The following DOCK1 variants were observed in gnomAD, a reference collection of about 807,000 sequenced individuals.
The protein encoded by DOCK1 is dedicator of cytokinesis 1.
In DOCK1, 138 loss-of-function variants were observed where a neutral mutation model predicts 262.7. That is an observed-to-expected ratio of 0.53 (90% CI 0.46 to 0.61). The LOEUF (loss-of-function observed/expected upper bound fraction) is 0.61, where lower values mean the gene tolerates loss of function less well. Ranked by LOEUF, DOCK1 falls within the 20% of genes least tolerant of loss-of-function variation. DOCK1 has a pLI of 0.00. For missense variants in DOCK1, 1,908 were observed against 2,370.7 expected (o/e 0.80, Z 4.05); for synonymous variants, 866 against 867.4 (o/e 1.00, Z 0.03).
chr10:127,211,347 G>A (rs1208089114), intron 27 of DOCK1, among the ~76,000 whole-genome samples: 1 of 152,164 alleles, frequency 6.6e-6, no homozygotes, highest in Non-Finnish European at 1.5e-5. Flanking sequence ...TAAAAGGAGA[G>A]ACACTCCTCT....
At chr10:127,246,416 A>C (rs2059432448) in intron 27 of DOCK1, among the ~76,000 whole-genome samples, 2 of 152,210 alleles carry the variant, frequency 1.3e-5, no homozygotes, top group Non-Finnish European at 2.9e-5. Flanking sequence ...GACACATCTC[A>C]TTGTCATAAG....
At chr10:127,050,788 T>G (rs2044673441) in intron 21 of DOCK1, among the ~76,000 whole-genome samples, 1 of 152,192 alleles carries the variant, frequency 6.6e-6, no homozygotes. Flanking sequence ...AGGCAGAAAT[T>G]TTATTTAATT....
chr10:126,960,639 A>G (rs2037119557), intron 1 of DOCK1, among the ~76,000 whole-genome samples: 1 of 151,092 alleles, frequency 6.6e-6, no homozygotes, highest in African/African-American at 2.4e-5. Context: ...TCATCTGTTT[A>G]TATTTGCATA....
intron 23 of DOCK1, among the ~76,000 whole-genome samples, chr10:127,074,111 T>TA (rs1298712980): frequency 6.6e-6 from 1 of 152,242 alleles, no homozygotes; most frequent in Non-Finnish European, 1.5e-5. Context: ...TTAGCTCTGT[T>TA]ATATTGAATA....
At chr10:127,282,902 G>A (rs192542051) in intron 29 of DOCK1, among the ~76,000 whole-genome samples, 1 of 152,346 alleles carries the variant, frequency 6.6e-6, no homozygotes, top group African/African-American at 2.4e-5. Context: ...GGGGCAGCAG[G>A]GTCCTGCGTG....
At position 127,282,916 on chromosome 10, in the gene DOCK1, C is replaced by A. The variant is rs75297016; in HGVS notation, c.3044+25487C>A. Among the ~76,000 whole-genome samples the A allele has an allele frequency of 8.6e-3, 1,312 of 152,326 alleles. 35 individuals are homozygous for A. The East Asian group carries it at 0.11, about 12-fold the overall frequency. ...AGGGGCAGCAGGGTCCTGCGTGTAT[C>A]CTACCAACTGTGTTTCCATTCTCTT... On this transcript the variant is annotated intron_variant, in intron 29 of 51. Transcript: ENST00000623213.
At chr10:127,017,331 A>G (rs1038951676) in intron 12 of DOCK1, among the ~76,000 whole-genome samples, 2 of 125,474 alleles carry the variant, frequency 1.6e-5, no homozygotes, top group African/African-American at 6.4e-5. Flanking sequence ...ACATATATAT[A>G]TACACTCACA....
At chr10:127,195,526 C>A (rs1388647679) in intron 27 of DOCK1, among the ~76,000 whole-genome samples, 1 of 147,980 alleles carries the variant, frequency 6.8e-6, no homozygotes, top group East Asian at 1.9e-4. Flanking sequence ...CAACTCATCC[C>A]CCCCCCGAAG....
At chr10:127,214,770 G>T (rs2058133217) in intron 27 of DOCK1, among the ~76,000 whole-genome samples, 1 of 152,100 alleles carries the variant, frequency 6.6e-6, no homozygotes, top group South Asian at 2.1e-4. Flanking sequence ...GGCCCCCAGT[G>T]TTTCTTAGGC....
chr10:126,975,707 C>T (rs1193348243), intron 2 of DOCK1, among the ~76,000 whole-genome samples: 1 of 151,694 alleles, frequency 6.6e-6, no homozygotes, highest in African/African-American at 2.4e-5. Context: ...TCACTGCAAC[C>T]TCTGCCTCCC....
intron 27 of DOCK1, among the ~76,000 whole-genome samples, chr10:127,209,814 A>C (rs1316102483): frequency 6.6e-6 from 1 of 152,200 alleles, no homozygotes; most frequent in Non-Finnish European, 1.5e-5. Context: ...GGGATTGCAA[A>C]GGTGGTTATA....
intron 29 of DOCK1, among the ~76,000 whole-genome samples, chr10:127,309,766 T>G (rs1050467172): frequency 1.3e-5 from 2 of 152,196 alleles, no homozygotes; most frequent in Non-Finnish European, 2.9e-5. Flanking sequence ...AGACCAGCCC[T>G]GTGGAGGACT....
chr10:127,404,724 T>A (rs764919122), intron 40 of DOCK1, among the ~76,000 whole-genome samples: 29 of 152,226 alleles, frequency 1.9e-4, no homozygotes, highest in Non-Finnish European at 3.2e-4. Context: ...ATCTTAGCCA[T>A]TTTTAGGTGT....
chr10:127,125,809 G>A (rs964266525), intron 26 of DOCK1, among the ~76,000 whole-genome samples: 1 of 152,022 alleles, frequency 6.6e-6, no homozygotes, highest in African/African-American at 2.4e-5. Context: ...ATTGAAAATT[G>A]TTCTTTATTT....
intron 29 of DOCK1, among the ~76,000 whole-genome samples, chr10:127,281,037 T>G (rs1014405587): frequency 7.2e-5 from 11 of 152,238 alleles, no homozygotes; most frequent in Non-Finnish European, 1.3e-4. Context: ...AGCAAGTATT[T>G]GTTTTAAATA....
intron 29 of DOCK1, among the ~76,000 whole-genome samples, chr10:127,310,608 C>T (rs1422560377): frequency 6.6e-6 from 1 of 152,102 alleles, no homozygotes; most frequent in Non-Finnish European, 1.5e-5. Context: ...CTCGTAAAAG[C>T]GTTCTCTAAA....
chr10:127,042,549 G>C (rs1228354543), intron 19 of DOCK1, 76 bp from the exon 20 acceptor site: 15 of 1,302,102 alleles, frequency 1.2e-5, no homozygotes, highest in Non-Finnish European at 1.7e-5. Context: ...GAGTACTGCA[G>C]AGATGATAGT....
At chr10:127,383,822 C>T (rs1459782734) in intron 37 of DOCK1, among the ~76,000 whole-genome samples, 1 of 152,236 alleles carries the variant, frequency 6.6e-6, no homozygotes, top group Non-Finnish European at 1.5e-5. Context: ...CGTGTCCTCC[C>T]GTGAGCCTCC....
intron 1 of DOCK1, among the ~76,000 whole-genome samples, chr10:126,927,979 A>G (rs1260991510): frequency 6.6e-6 from 1 of 152,126 alleles, no homozygotes; most frequent in Non-Finnish European, 1.5e-5. Flanking sequence ...CCCAGGTGCC[A>G]CCTGGTCTGC....
Sources: gnomAD v4.1 joint callset for allele counts (sites outside exome capture counted in the v4.1 genomes callset) on GRCh38, gnomAD v4.1.1 for gene constraint, MANE v1.5 for transcripts, NCBI Gene and HGNC (gene_info 2026-07-23, HGNC 2026-07-21) for gene names.